CEP112: variants seen among roughly 807,000 people sequenced by gnomAD.
The protein encoded by CEP112 is centrosomal protein of 112 kDa.
A neutral mutation model predicts 153.0 loss-of-function variants in CEP112; 127 were observed. That is an observed-to-expected ratio of 0.83 (90% CI 0.72 to 0.96). The LOEUF is 0.96. Among genes scored for constraint, CEP112 ranks in the 40% least tolerant of loss-of-function variants. The pLI is 0.00. For missense variants in CEP112, 1,089 were observed against 1,101.2 expected (o/e 0.99, Z 0.16); for synonymous variants, 358 against 374.4 (o/e 0.96, Z 0.51).
At chr17:66,072,517 C>T (rs2146099857) in intron 8 of CEP112, among the ~76,000 whole-genome samples, 1 of 152,286 alleles carries the variant, frequency 6.6e-6, no homozygotes, top group South Asian at 2.1e-4. Flanking sequence ...TTAAATGTCT[C>T]TCCATTAGGA....
At chr17:65,733,192 G>A (rs1165112857) in intron 23 of CEP112, among the ~76,000 whole-genome samples, 2 of 152,292 alleles carry the variant, frequency 1.3e-5, no homozygotes, top group East Asian at 1.9e-4. Flanking sequence ...CCAAGGAGAT[G>A]GAGAGAGATG....
At chr17:65,974,097 G>C (rs77602299) in intron 17 of CEP112, among the ~76,000 whole-genome samples, 1 of 150,460 alleles carries the variant, frequency 6.6e-6, no homozygotes, top group Non-Finnish European at 1.5e-5. Flanking sequence ...TTTTTTTTAA[G>C]ACAGGGTCTC....
chr17:65,690,747 T>G (rs940495731), intron 23 of CEP112, among the ~76,000 whole-genome samples: 1 of 152,122 alleles, frequency 6.6e-6, no homozygotes, highest in Non-Finnish European at 1.5e-5. Flanking sequence ...GTGGAAGCCA[T>G]AAGGTCACTG....
intron 21 of CEP112, among the ~76,000 whole-genome samples, chr17:65,769,395 T>C (rs1461733052): frequency 4.1e-5 from 5 of 122,302 alleles, no homozygotes; most frequent in Admixed American, 9.0e-5. Flanking sequence ...TCAATGACAG[T>C]CTTCACAGAA....
At chr17:66,131,542 C>T (rs998634859) in intron 5 of CEP112, among the ~76,000 whole-genome samples, 2 of 151,432 alleles carry the variant, frequency 1.3e-5, no homozygotes, top group African/African-American at 4.9e-5. Flanking sequence ...GAGATCAAGA[C>T]CATCCTGACT....
chr17:66,178,604 T>C (rs1486457774), intron 2 of CEP112, among the ~76,000 whole-genome samples: 1 of 152,216 alleles, frequency 6.6e-6, no homozygotes, highest in Non-Finnish European at 1.5e-5. Context: ...CCTGTGCTTT[T>C]GGAGTATTAC....
chr17:65,958,657 G>A (rs2062085207), intron 18 of CEP112, among the ~76,000 whole-genome samples: 1 of 152,206 alleles, frequency 6.6e-6, no homozygotes, highest in Non-Finnish European at 1.5e-5. Context: ...GGGTGCTGAT[G>A]GCAGCTCAAT....
At chr17:65,694,593 A>G (rs1474640892) in intron 23 of CEP112, among the ~76,000 whole-genome samples, 1 of 152,238 alleles carries the variant, frequency 6.6e-6, no homozygotes, top group African/African-American at 2.4e-5. Context: ...AAAAAACTGA[A>G]AAGTCACCAA....
At chr17:66,188,939 C>T (rs117774592) in intron 1 of CEP112, among the ~76,000 whole-genome samples, 5,201 of 152,222 alleles carry the variant, frequency 0.034, 131 homozygotes, top group Middle Eastern at 0.061. Flanking sequence ...ATACTGCCCA[C>T]GTACTCAAAC....
chr17:66,156,247 C>G (rs2071435032), intron 4 of CEP112, among the ~76,000 whole-genome samples: 1 of 152,184 alleles, frequency 6.6e-6, no homozygotes, highest in East Asian at 1.9e-4. Flanking sequence ...CAAACAGGGT[C>G]TGAAGTGGAC....
intron 6 of CEP112, among the ~76,000 whole-genome samples, chr17:66,097,856 C>T (rs1449355143): frequency 6.6e-6 from 1 of 152,158 alleles, no homozygotes; most frequent in Non-Finnish European, 1.5e-5. Flanking sequence ...TTCTTCATAT[C>T]ACAAACCCAC....
chr17:65,894,914 T>C (rs1041847711), intron 20 of CEP112, among the ~76,000 whole-genome samples: 1 of 152,108 alleles, frequency 6.6e-6, no homozygotes, highest in South Asian at 2.1e-4. Context: ...AAAGACATAG[T>C]CATGGCTTGT....
intron 21 of CEP112, among the ~76,000 whole-genome samples, chr17:65,774,961 A>G (rs9972944): frequency 0.5 from 76,391 of 151,656 alleles, 20,834 homozygotes; most frequent in Non-Finnish European, 0.62. Flanking sequence ...GGAGACATGC[A>G]GGAAAGGAGT....
chr17:65,796,896 GA>G (rs917335811), intron 21 of CEP112, among the ~76,000 whole-genome samples: 30 of 142,138 alleles, frequency 2.1e-4, no homozygotes, highest in Middle Eastern at 7.3e-3. Context: ...AAAAAGACAA[GA>G]AAAAAAATTA....
chr17:65,830,227 C>A (rs531241824), intron 21 of CEP112, among the ~76,000 whole-genome samples: 4 of 152,280 alleles, frequency 2.6e-5, no homozygotes, highest in Admixed American at 6.5e-5. Context: ...GACAAGAATA[C>A]CATCCTGAGT....
chr17:66,047,567 A>G (rs879777888), intron 12 of CEP112, among the ~76,000 whole-genome samples: 1 of 152,202 alleles, frequency 6.6e-6, no homozygotes, highest in Non-Finnish European at 1.5e-5. Context: ...GTGAGCTTGT[A>G]TATCTTTTTG....
intron 17 of CEP112, among the ~76,000 whole-genome samples, chr17:65,989,091 C>G (rs2063501285): frequency 2.0e-5 from 3 of 151,348 alleles, no homozygotes. Flanking sequence ...AAAAAAAAGC[C>G]AGGTGTGGTG....
At chr17:65,681,830 C>T (rs2047547014) in intron 24 of CEP112, among the ~76,000 whole-genome samples, 1 of 151,398 alleles carries the variant, frequency 6.6e-6, no homozygotes, top group Admixed American at 6.6e-5. Context: ...CACATCACCA[C>T]ACCTGGCTAA....
At chr17:66,176,165 G>C (rs1006066228) in intron 3 of CEP112, among the ~76,000 whole-genome samples, 3 of 152,080 alleles carry the variant, frequency 2.0e-5, no homozygotes, top group Non-Finnish European at 4.4e-5. Flanking sequence ...GAATTCTGCA[G>C]TTCATTAAAA....
Sources: allele counts gnomAD v4.1 joint callset (sites outside exome capture counted in the v4.1 genomes callset), GRCh38; gene constraint gnomAD v4.1.1; transcripts MANE v1.5; gene names NCBI Gene and HGNC (gene_info 2026-07-23, HGNC 2026-07-21).